DAP3: variants seen among roughly 807,000 people sequenced by gnomAD.
The protein encoded by DAP3 is death associated protein 3, also known as small ribosomal subunit protein mS29.
A neutral mutation model predicts 51.9 loss-of-function variants in DAP3; 28 were observed. The observed-to-expected ratio is 0.54, with a 90% CI of 0.40 to 0.74. The LOEUF is 0.74. Ranked by LOEUF, DAP3 falls within the 30% of genes least tolerant of loss-of-function variation. The pLI is 0.00. For synonymous variants in DAP3, 170 were observed against 170.3 expected (o/e 1.00, Z 0.01); for missense variants, 458 against 483.5 (o/e 0.95, Z 0.49).
intron 2 of DAP3, among the ~76,000 whole-genome samples, chr1:155,714,445 AT>A (rs1410313017): frequency 6.6e-6 from 1 of 152,158 alleles, no homozygotes; most frequent in Non-Finnish European, 1.5e-5. Context: ...AAAATCAAAG[AT>A]TTAGAGATAA....
intron 11 of DAP3, among the ~76,000 whole-genome samples, chr1:155,735,396 T>G (rs1240120967): frequency 6.6e-6 from 1 of 152,038 alleles, no homozygotes; most frequent in Non-Finnish European, 1.5e-5. Context: ...GCCAACATGA[T>G]GAAATCCTGT....
chr1:155,732,568 A>G (rs1230567559), intron 11 of DAP3, among the ~76,000 whole-genome samples: 1 of 152,122 alleles, frequency 6.6e-6, no homozygotes, highest in African/African-American at 2.4e-5. Context: ...TCTCATTCCT[A>G]AGAACAAAGA....
chr1:155,734,530 C>T (rs1659565654), intron 11 of DAP3, among the ~76,000 whole-genome samples: 1 of 152,108 alleles, frequency 6.6e-6, no homozygotes, highest in Non-Finnish European at 1.5e-5. Context: ...ATGTTCCAGA[C>T]CCCTCTTATA....
At chr1:155,735,829 G>A (rs1200736555) in intron 11 of DAP3, among the ~76,000 whole-genome samples, 5 of 138,786 alleles carry the variant, frequency 3.6e-5, no homozygotes, top group African/African-American at 8.6e-5. Flanking sequence ...GCATCACCAC[G>A]CCTGGCTAAT....
At chr1:155,706,264 C>A (rs1430865773) in intron 1 of DAP3, among the ~76,000 whole-genome samples, 2 of 152,138 alleles carry the variant, frequency 1.3e-5, no homozygotes. Context: ...TCCCCGCCTC[C>A]CAAAGGGCCG....
upstream of DAP3, chr1:155,688,790 G>T: frequency 1.9e-6 from 3 of 1,543,800 alleles, no homozygotes; most frequent in African/African-American, 1.4e-5. Flanking sequence ...TCGCGCGTGC[G>T]CCTCCCACAG....
chr1:155,698,098 A>G (rs1654756833), intron 1 of DAP3, among the ~76,000 whole-genome samples: 2 of 152,190 alleles, frequency 1.3e-5, no homozygotes, highest in African/African-American at 2.4e-5. Flanking sequence ...GTTCTTTTCA[A>G]GGTGCCCAGA....
chr1:155,688,024 TGA>T (rs984936177), upstream of DAP3: 4 of 1,524,650 alleles, frequency 2.6e-6, no homozygotes, highest in South Asian at 2.5e-5. Flanking sequence ...ATTCAATCGC[TGA>T]GAGAGTGCTT....
chr1:155,715,223 CA>C (rs1161415502), intron 2 of DAP3, among the ~76,000 whole-genome samples: 1 of 146,276 alleles, frequency 6.8e-6, no homozygotes, highest in Non-Finnish European at 1.5e-5. Context: ...AAAAAACCCA[CA>C]AAAAGCTGCT....
chr1:155,728,237 A>T (rs372780), intron 7 of DAP3, among the ~76,000 whole-genome samples: 16 of 151,996 alleles, frequency 1.1e-4, no homozygotes, highest in East Asian at 1.9e-4. Context: ...ATGTATGTTT[A>T]TTCAAGGCTC....
At chr1:155,727,572 G>A in intron 6 of DAP3, 36 bp from the exon 7 acceptor site, 1 of 1,602,204 alleles carries the variant, frequency 6.2e-7, no homozygotes, top group Non-Finnish European at 8.5e-7. Flanking sequence ...TACAGTTTCT[G>A]CCTGGCTTGT....
upstream of DAP3, chr1:155,689,030 G>A (rs887000836): frequency 4.4e-6 from 7 of 1,577,738 alleles, no homozygotes; most frequent in African/African-American, 8.1e-5. Context: ...CCGGCCGGTG[G>A]TTGGAGGCCG....
upstream of DAP3, chr1:155,688,993 G>A (rs1459750738): frequency 1.1e-5 from 17 of 1,602,650 alleles, no homozygotes; most frequent in Non-Finnish European, 1.4e-5. Context: ...GCGGCGAGGG[G>A]ATCGAGGGCG....
intron 1 of DAP3, among the ~76,000 whole-genome samples, chr1:155,700,614 G>C (rs1441542455): frequency 6.7e-6 from 1 of 148,164 alleles, no homozygotes; most frequent in African/African-American, 2.5e-5. Context: ...CGGGAGGTGA[G>C]GGGCGCCTCG....
chr1:155,713,599 T>C (rs1390657037), intron 2 of DAP3, among the ~76,000 whole-genome samples: 1 of 152,196 alleles, frequency 6.6e-6, no homozygotes, highest in Non-Finnish European at 1.5e-5. Flanking sequence ...TGAAAATGAA[T>C]AAAATCTGAC....
chr1:155,735,050 G>C (rs1295519525), intron 11 of DAP3, among the ~76,000 whole-genome samples: 5 of 148,608 alleles, frequency 3.4e-5, no homozygotes, highest in African/African-American at 5.0e-5. Context: ...AGATCACGAG[G>C]TCAGGAGATC....
At position 155,731,395 on chromosome 1, in the gene DAP3, A is replaced by G. The variant is rs775488543; in HGVS notation, c.883A>G (p.Lys295Glu). The change falls in exon 10 of 13, where the codon AAA becomes GAA. Residue 295 changes from lysine (K) to glutamate (E), a missense_variant. Coordinates refer to ENST00000368336, the MANE Select transcript of DAP3 (RefSeq NM_004632.4). ...ATTAGCACTTGTTCACAACTTGAGG[A>G]AAATGATGAAAAATGATTGGGTAAG... ...EELALVHNLR[K>E]MMKNDWHGGA... The G allele has an allele frequency of 6.2e-7, 1 of 1,614,070 alleles. No homozygotes were observed. The highest frequency in any genetic ancestry group is 8.5e-7 in the Non-Finnish European group (1 of 1,179,970).
intron 1 of DAP3, among the ~76,000 whole-genome samples, chr1:155,704,808 T>C (rs967640718): frequency 6.6e-6 from 1 of 151,972 alleles, no homozygotes; most frequent in Non-Finnish European, 1.5e-5. Context: ...GGCGAAACCC[T>C]GTATCTACTA....
chr1:155,692,928 A>G (rs1654033911), intron 1 of DAP3, among the ~76,000 whole-genome samples: 1 of 142,096 alleles, frequency 7.0e-6, no homozygotes. Flanking sequence ...AATTATTTAC[A>G]TATTCTGCAG....
Sources: allele counts gnomAD v4.1 joint callset (sites outside exome capture counted in the v4.1 genomes callset), GRCh38; gene constraint gnomAD v4.1.1; transcripts MANE v1.5; gene names NCBI Gene and HGNC (gene_info 2026-07-23, HGNC 2026-07-21).